DBH: variants seen among roughly 807,000 people sequenced by gnomAD.
The protein encoded by DBH is dopamine beta-hydroxylase, also known as dopamine beta-hydroxylase (dopamine beta-monooxygenase).
A neutral mutation model predicts 64.0 loss-of-function variants in DBH; 49 were observed. The observed-to-expected ratio is 0.77, with a 90% CI of 0.61 to 0.97. DBH has a LOEUF of 0.97. DBH is among the 50% of genes least tolerant of loss of function. DBH has a pLI of 0.00. For missense variants in DBH, 828 were observed against 826.6 expected, an observed-to-expected ratio of 1.00 and a Z score of -0.02; for synonymous variants, 343 against 347.1, an observed-to-expected ratio of 0.99 and a Z score of 0.13.
chr9:133,641,002 A>G (rs1832110253), intron 2 of DBH, among the ~76,000 whole-genome samples: 1 of 152,064 alleles, frequency 6.6e-6, no homozygotes, highest in Admixed American at 6.5e-5. Context: ...CTGAGGCAAT[A>G]TTGGCCTGGT....
intron 9 of DBH, 142 bp from the exon 10 acceptor site, chr9:133,656,381 G>A: frequency 8.9e-7 from 1 of 1,124,546 alleles, no homozygotes; most frequent in Non-Finnish European, 1.3e-6. Flanking sequence ...TGAGGGCAGG[G>A]ACTCGGTTCC....
At chr9:133,640,755 T>G (rs572625710) in intron 2 of DBH, among the ~76,000 whole-genome samples, 56 of 152,358 alleles carry the variant, frequency 3.7e-4, no homozygotes, top group African/African-American at 1.3e-3. Context: ...AAAGATTGAT[T>G]GCATTTCCGG....
rs112119612 is a variant in DBH, at chr9:133,652,896, A to G, written c.1375-44A>G. 1.5e-5 allele frequency: 23 copies of G among 1,501,146 alleles called. No homozygotes were observed. In the African/African-American group the frequency reaches 3.2e-4, roughly 21 times the overall value. The allele number at this position is 1,501,146 out of a possible 1,614,324, so 93.0% of individuals were successfully genotyped here. A position where few individuals can be genotyped will look rare whatever the true frequency, so the allele number is the denominator to read the frequency against. On this transcript the variant is annotated intron_variant, in intron 8 of 11. Coordinates refer to ENST00000393056, the MANE Select transcript of DBH (RefSeq NM_000787.4). ...GGGGCGAGGCCTCCAGCACCTGCCAACGCCAGGTGGCAGGTGCTGATGGTC... is the reference window on the plus strand; with the variant it reads ...GGGGCGAGGCCTCCAGCACCTGCCAGCGCCAGGTGGCAGGTGCTGATGGTC...
At chr9:133,639,390 T>A (rs1375196852) in intron 1 of DBH, among the ~76,000 whole-genome samples, 1 of 152,176 alleles carries the variant, frequency 6.6e-6, no homozygotes, top group Non-Finnish European at 1.5e-5. Context: ...TCCCACCCTG[T>A]TCCCAACTCT....
intron 1 of DBH, among the ~76,000 whole-genome samples, chr9:133,638,405 C>A (rs1832076810): frequency 1.3e-5 from 2 of 152,098 alleles, no homozygotes; most frequent in African/African-American, 4.8e-5. Context: ...GATGTTTTAC[C>A]CTGAATGTAA....
intron 6 of DBH, among the ~76,000 whole-genome samples, chr9:133,650,364 G>A (rs1316891471): frequency 1.3e-5 from 2 of 152,140 alleles, no homozygotes; most frequent in African/African-American, 2.4e-5. Context: ...GCCTGGCAGC[G>A]GGTGGGCAAA....
At chr9:133,642,162 G>A (rs975810215) in intron 2 of DBH, 45 bp from the exon 3 acceptor site, 1 of 1,608,126 alleles carries the variant, frequency 6.2e-7, no homozygotes, top group East Asian at 2.2e-5. Flanking sequence ...GCCCAACTCT[G>A]GGGGCTCTGA....
rs1165570525 is a variant in DBH at position 133,654,116 on chromosome 9, ATATTTTAT to A, written c.1434+1119_1434+1126del. Among the ~76,000 whole-genome samples the A allele has an allele frequency of 5.9e-5, 9 of 151,316 alleles. No individual in the cohort carries two copies. In the South Asian group the frequency reaches 6.3e-4, roughly 11 times the overall value. On this transcript the variant is annotated intron_variant, in intron 9 of 11. Coordinates refer to ENST00000393056, the MANE Select transcript of DBH (RefSeq NM_000787.4). ...CCAGTGGTTTATTTTATTTTATTTT[ATATTTTAT>A]TTTTTTTTGAGACGGAGTCTCGCTC... is the stretch of plus-strand genomic sequence containing the variant.
At chr9:133,656,945 GGGA>G (rs1832329652) in intron 10 of DBH, 122 bp from the exon 11 acceptor site, 1 of 1,157,008 alleles carries the variant, frequency 8.6e-7, no homozygotes, top group Admixed American at 1.8e-5. Context: ...AGCGGGGCTG[GGGA>G]GGAGGTGGCA....
At position 133,643,392 on chromosome 9, in the gene DBH, C is replaced by T. The variant is rs1173261706; in HGVS notation, c.745-21C>T. 5 of 1,613,380 alleles carry T rather than the reference C, an allele frequency of 3.1e-6. No homozygotes were observed. Among genetic ancestry groups the T allele is most frequent in the East Asian group, 2.2e-5 (1 of 44,868 alleles). ...AGGGTGGGCGGCCGGTTCCCGGGCT[C>T]AGAGGGCTGCCTCCTCACAGTACGA... is the stretch of plus-strand genomic sequence containing the variant. On this transcript the variant is annotated intron_variant, in intron 3 of 11. Coordinates refer to ENST00000393056, the MANE Select transcript of DBH (RefSeq NM_000787.4). This position sits in a 1 kb window ranked among gnomAD's most constrained non-coding sequence, Gnocchi z 5.3.
chr9:133,652,876 G>A lies in DBH; in HGVS notation c.1375-64G>A, dbSNP rs1588352937. The A allele has an allele frequency of 6.6e-6, 8 of 1,207,880 alleles. No homozygotes were observed. The East Asian group carries it at 7.0e-5, about 11-fold the overall frequency. The allele number at this position is 1,207,880 out of a possible 1,614,324, so 74.8% of individuals were successfully genotyped here. ...CACAGTGGCGTGGTCCTATGGGGGCGAGGCCTCCAGCACCTGCCAACGCCA... is the reference window on the plus strand; with the variant it reads ...CACAGTGGCGTGGTCCTATGGGGGCAAGGCCTCCAGCACCTGCCAACGCCA... On this transcript the variant is annotated intron_variant, in intron 8 of 11. Transcript: ENST00000393056.
chr9:133,648,049 C>T, intron 6 of DBH, 37 bp downstream of exon 6: 1 of 1,589,408 alleles, frequency 6.3e-7, no homozygotes, highest in Non-Finnish European at 8.5e-7. Context: ...ACCCTCCCTC[C>T]TCCCGCGTCC....
intron 2 of DBH, among the ~76,000 whole-genome samples, chr9:133,640,212 C>A (rs1039137439): frequency 6.6e-6 from 1 of 152,194 alleles, no homozygotes; most frequent in East Asian, 1.9e-4. Flanking sequence ...CCCTCAAAGA[C>A]GCAGCTCTTT....
At chr9:133,642,502 C>T (rs1355904835) in intron 3 of DBH, 38 bp downstream of exon 3, 2 of 1,571,592 alleles carry the variant, frequency 1.3e-6, no homozygotes, top group Non-Finnish European at 8.6e-7. Context: ...TCGCCCAGCC[C>T]TGCCTTCCTC....
intron 11 of DBH, among the ~76,000 whole-genome samples, chr9:133,657,697 C>T (rs1341766276): frequency 6.6e-6 from 1 of 152,070 alleles, no homozygotes; most frequent in Non-Finnish European, 1.5e-5. Context: ...AAGCTGCGAG[C>T]TGGTTTTTTC....
intron 10 of DBH, 62 bp from the exon 11 acceptor site, chr9:133,657,008 T>C: frequency 6.4e-7 from 1 of 1,568,954 alleles, no homozygotes; most frequent in East Asian, 2.2e-5. Context: ...GTGTTGCTGG[T>C]GCCCACTGGG....
At chr9:133,639,168 G>A (rs1832086814) in intron 1 of DBH, among the ~76,000 whole-genome samples, 1 of 151,154 alleles carries the variant, frequency 6.6e-6, no homozygotes, top group African/African-American at 2.4e-5. Flanking sequence ...CAAGGCAGGA[G>A]GACCGCTTGA....
chr9:133,658,236 G>C, intron 11 of DBH, 80 bp from the exon 12 acceptor site: 1 of 1,573,518 alleles, frequency 6.4e-7, no homozygotes, highest in Admixed American at 1.7e-5. Flanking sequence ...AATCCAAGAG[G>C]TGGCTGGGAA....
At chr9:133,644,403 GC>G in intron 5 of DBH, 83 bp downstream of exon 5, 1 of 1,112,346 alleles carries the variant, frequency 9.0e-7, no homozygotes, top group Non-Finnish European at 1.4e-6. Flanking sequence ...CCCTTCGTCT[GC>G]CCAGCATGGT....
Sources: gnomAD v4.1 joint callset for allele counts (sites outside exome capture counted in the v4.1 genomes callset) on GRCh38, gnomAD v4.1.1 for gene constraint, Gnocchi (gnomAD v3.1) non-coding constraint, MANE v1.5 for transcripts, NCBI Gene and HGNC (gene_info 2026-07-23, HGNC 2026-07-21) for gene names.